UBE2L6: variants seen among roughly 807,000 people sequenced by gnomAD.
UBE2L6 encodes the protein ubiquitin/ISG15-conjugating enzyme E2 L6.
In UBE2L6, 11 loss-of-function variants were observed where a neutral mutation model predicts 13.6. The ratio of observed to expected loss-of-function variants is 0.81; its 90% CI spans 0.51 to 1.34. UBE2L6 has a LOEUF of 1.34. UBE2L6 is among the 40% of genes most tolerant of loss of function. UBE2L6 has a pLI of 0.00. For missense variants in UBE2L6, 197 were observed against 199.5 expected, an observed-to-expected ratio of 0.99 and a Z score of 0.07; for synonymous variants, 74 against 83.2, an observed-to-expected ratio of 0.89 and a Z score of 0.60.
rs1206419042 is a variant in UBE2L6, at chr11:57,553,571, G to A, written c.310+866C>T. 2.0e-5 allele frequency among the ~76,000 whole-genome samples: 3 copies of A among 152,324 alleles called. No homozygotes were observed. In the East Asian group the frequency reaches 5.8e-4, roughly 29 times the overall value. ...TGGCCAGGCGCAGTGACTCACACCT[G>A]TAATCCCAGCACTCTGGGAGGCGGA... is the stretch of plus-strand genomic sequence containing the variant. On this transcript the variant is annotated intron_variant, in intron 3 of 3. Transcript: ENST00000287156.
chr11:57,555,435 A>C (rs570193310), intron 2 of UBE2L6, among the ~76,000 whole-genome samples: 1 of 152,352 alleles, frequency 6.6e-6, no homozygotes, highest in East Asian at 1.9e-4. Context: ...AGAATAGTCA[A>C]ATTCATAGAA....
chr11:57,556,269 G>A (rs1298102729), intron 2 of UBE2L6, among the ~76,000 whole-genome samples: 3 of 151,594 alleles, frequency 2.0e-5, no homozygotes, highest in East Asian at 1.9e-4. Flanking sequence ...GGTGTGATTC[G>A]GCTCTGACAC....
intron 3 of UBE2L6, 53 bp from the exon 4 acceptor site, chr11:57,552,562 G>T: frequency 1.1e-5 from 17 of 1,605,008 alleles, no homozygotes; most frequent in Non-Finnish European, 1.4e-5. Context: ...AGGGAGTCAT[G>T]GCTGCCCGTT....
At chr11:57,562,370 C>T (rs747102580) in intron 1 of UBE2L6, among the ~76,000 whole-genome samples, 2 of 152,366 alleles carry the variant, frequency 1.3e-5, no homozygotes, top group Middle Eastern at 3.4e-3. Context: ...TGGACAGCAA[C>T]TGTGGACCTC....
intron 1 of UBE2L6, among the ~76,000 whole-genome samples, chr11:57,564,527 G>A (rs1590811604): frequency 6.6e-6 from 1 of 152,352 alleles, no homozygotes; most frequent in East Asian, 1.9e-4. Context: ...TCTGGGCTGG[G>A]CATGGTGGCT....
At chr11:57,567,692 C>T, upstream of UBE2L6, 9 of 1,510,362 alleles carry the variant, frequency 6.0e-6, no homozygotes, top group Non-Finnish European at 8.1e-6. Context: ...CGCCCCGCCC[C>T]GGGGACCCCA....
Position 57,551,961 on chromosome 11 carries a change from A to T in UBE2L6, c.*397T>A. The T allele has an allele frequency of 5.5e-6, 1 of 183,326 alleles. No individual in the cohort carries two copies. The allele number at this position is 183,326 out of a possible 1,614,324, so 11.4% of individuals were successfully genotyped here. ...CATCTGTCTCCCACCCATATGCTCC[A>T]CTGTCCCCAGGCCCTCAGTGCCTGA... On this transcript the variant is annotated 3_prime_UTR_variant, in exon 4 of 4. Transcript: ENST00000287156.
intron 1 of UBE2L6, among the ~76,000 whole-genome samples, chr11:57,565,790 T>C (rs1410859509): frequency 6.6e-6 from 1 of 152,198 alleles, no homozygotes; most frequent in Non-Finnish European, 1.5e-5. Context: ...AAACATACAA[T>C]GGATACATAA....
chr11:57,555,135 T>C (rs1158950595), intron 2 of UBE2L6, among the ~76,000 whole-genome samples: 5 of 152,216 alleles, frequency 3.3e-5, no homozygotes, highest in Admixed American at 3.3e-4. Context: ...AGAATTACCA[T>C]ATGATCCAGC....
intron 2 of UBE2L6, among the ~76,000 whole-genome samples, chr11:57,555,274 T>C (rs1268003266): frequency 7.2e-5 from 11 of 152,226 alleles, no homozygotes; most frequent in Non-Finnish European, 4.4e-5. Context: ...AAACGTGGCA[T>C]ATACACACAA....
At chr11:57,560,822 G>A (rs1244422359) in intron 1 of UBE2L6, among the ~76,000 whole-genome samples, 10 of 151,650 alleles carry the variant, frequency 6.6e-5, no homozygotes, top group Non-Finnish European at 1.5e-4. Context: ...GGGTTTCACC[G>A]TGTTATCCAG....
At chr11:57,567,544 G>GAGGGGAGCCA (rs1945102556) in intron 1 of UBE2L6, 41 bp downstream of exon 1, 1 of 1,600,814 alleles carries the variant, frequency 6.2e-7, no homozygotes, top group East Asian at 2.3e-5. Context: ...TGCGGGAGGC[G>GAGGGGAGCCA]AGGGGAGCCA....
intron 2 of UBE2L6, 69 bp downstream of exon 2, chr11:57,560,268 A>G (rs1590809761): frequency 7.6e-7 from 1 of 1,308,304 alleles, no homozygotes. Flanking sequence ...CCTAGTCCTA[A>G]CCCTCCCTGC....
At chr11:57,555,826 C>G (rs1381284226) in intron 2 of UBE2L6, among the ~76,000 whole-genome samples, 3 of 152,206 alleles carry the variant, frequency 2.0e-5, no homozygotes, top group Non-Finnish European at 2.9e-5. Context: ...TTGCTCTGGC[C>G]TCCAGATTAC....
At chr11:57,555,434 A>G (rs1201910258) in intron 2 of UBE2L6, among the ~76,000 whole-genome samples, 1 of 152,232 alleles carries the variant, frequency 6.6e-6, no homozygotes, top group Non-Finnish European at 1.5e-5. Context: ...CAGAATAGTC[A>G]AATTCATAGA....
intron 2 of UBE2L6, among the ~76,000 whole-genome samples, chr11:57,559,466 C>T (rs1333867858): frequency 6.6e-6 from 1 of 152,076 alleles, no homozygotes; most frequent in Non-Finnish European, 1.5e-5. Context: ...CAAAAATTAG[C>T]CAGGCATAGT....
intron 2 of UBE2L6, among the ~76,000 whole-genome samples, chr11:57,557,139 G>A (rs548468371): frequency 5.3e-5 from 8 of 152,118 alleles, no homozygotes; most frequent in South Asian, 2.1e-4. Context: ...ACCAGGAGGC[G>A]TATGGGTCCT....
intron 1 of UBE2L6, among the ~76,000 whole-genome samples, chr11:57,565,103 G>A (rs896872134): frequency 6.6e-6 from 1 of 151,848 alleles, no homozygotes; most frequent in African/African-American, 2.4e-5. Context: ...TTAGCCAGGC[G>A]TGATGGTGCC....
chr11:57,554,696 G>C, intron 2 of UBE2L6, 73 bp from the exon 3 acceptor site: 2 of 1,530,968 alleles, frequency 1.3e-6, no homozygotes, highest in Non-Finnish European at 9.0e-7. Flanking sequence ...AGGGTCCTAG[G>C]CATCCTCTGC....
Sources: allele counts gnomAD v4.1 joint callset (sites outside exome capture counted in the v4.1 genomes callset), GRCh38; gene constraint gnomAD v4.1.1; transcripts MANE v1.5; gene names NCBI Gene and HGNC (gene_info 2026-07-23, HGNC 2026-07-21).